The following MAF variants were observed in gnomAD, a reference collection of about 807,000 sequenced individuals.
MAF encodes the protein MAF bZIP transcription factor, also known as transcription factor Maf.
MAF carries 10 observed loss-of-function variants against 22.0 expected under a neutral mutation model. The ratio of observed to expected loss-of-function variants is 0.45; its 90% CI spans 0.28 to 0.77. The LOEUF (loss-of-function observed/expected upper bound fraction) is 0.77, where lower values mean the gene tolerates loss of function less well. Among genes scored for constraint, MAF ranks in the 30% least tolerant of loss-of-function variants. MAF has a pLI of 0.12. For missense variants in MAF, 544 were observed against 548.4 expected, an observed-to-expected ratio of 0.99 and a Z score of 0.08; for synonymous variants, 337 against 255.8, an observed-to-expected ratio of 1.32 and a Z score of -3.03.
At chr16:79,536,723 T>C in the MAF span, among the ~76,000 whole-genome samples, 2 of 152,370 alleles carry the variant, frequency 1.3e-5, no homozygotes, top group Admixed American at 6.5e-5. Context: ...GAACTTTTTT[T>C]CCCTGTCATT....
chr16:79,582,456 T>C (rs1472316891), downstream of MAF, among the ~76,000 whole-genome samples: 1 of 152,208 alleles, frequency 6.6e-6, no homozygotes, highest in Non-Finnish European at 1.5e-5. Flanking sequence ...CCTTCAATAG[T>C]ACCCCAGAGT....
chr16:79,271,046 G>A, the MAF span, among the ~76,000 whole-genome samples: 38 of 151,276 alleles, frequency 2.5e-4, no homozygotes, highest in East Asian at 9.7e-4. Context: ...GATTACAAGC[G>A]CCCGCCACCA....
chr16:79,262,431 T>G, the MAF span, among the ~76,000 whole-genome samples: 2 of 152,200 alleles, frequency 1.3e-5, no homozygotes, highest in African/African-American at 4.8e-5. Context: ...GATGTTTTTG[T>G]GGCTAGATGC....
At chr16:79,402,177 G>C in the MAF span, among the ~76,000 whole-genome samples, 20 of 152,268 alleles carry the variant, frequency 1.3e-4, no homozygotes, top group East Asian at 2.9e-3. Context: ...CCATCAAATG[G>C]GGAGTGTGGC....
the MAF span, among the ~76,000 whole-genome samples, chr16:79,492,116 G>A: frequency 6.6e-6 from 1 of 152,322 alleles, no homozygotes; most frequent in East Asian, 1.9e-4. Flanking sequence ...GTGCCTCCAT[G>A]AGATAGAGCA....
chr16:79,279,063 C>A, the MAF span, among the ~76,000 whole-genome samples: 3 of 152,178 alleles, frequency 2.0e-5, no homozygotes, highest in African/African-American at 7.2e-5. Flanking sequence ...TATATTTTAT[C>A]ATTCAATTCT....
the MAF span, among the ~76,000 whole-genome samples, chr16:79,502,397 G>A: frequency 2.0e-5 from 3 of 152,170 alleles, no homozygotes; most frequent in Non-Finnish European, 4.4e-5. Context: ...TAGGCACAGT[G>A]GGTCATGCGC....
the MAF span, among the ~76,000 whole-genome samples, chr16:79,246,196 T>A: frequency 6.6e-6 from 1 of 151,922 alleles, no homozygotes; most frequent in Admixed American, 6.6e-5. Flanking sequence ...CCCCAGAACT[T>A]AAAGTATAAT....
At chr16:79,261,430 G>A in the MAF span, among the ~76,000 whole-genome samples, 1 of 152,240 alleles carries the variant, frequency 6.6e-6, no homozygotes, top group Non-Finnish European at 1.5e-5. Context: ...TGGGATTACG[G>A]GCATGAGCCA....
At chr16:79,239,688 A>G in the MAF span, among the ~76,000 whole-genome samples, 1 of 151,970 alleles carries the variant, frequency 6.6e-6, no homozygotes, top group South Asian at 2.1e-4. Flanking sequence ...GTCCCTCTCA[A>G]TACCTGGAAA....
the MAF span, among the ~76,000 whole-genome samples, chr16:79,411,983 T>C: frequency 6.6e-6 from 1 of 152,174 alleles, no homozygotes; most frequent in Admixed American, 6.5e-5. Flanking sequence ...GTTGCTGTTG[T>C]TACCAGTACC....
chr16:79,230,454 C>T, the MAF span, among the ~76,000 whole-genome samples: 1 of 152,114 alleles, frequency 6.6e-6, no homozygotes, highest in Non-Finnish European at 1.5e-5. Context: ...CTGCCCTTGC[C>T]CGGGTGGGCG....
At chr16:79,547,352 C>T in the MAF span, among the ~76,000 whole-genome samples, 1 of 151,854 alleles carries the variant, frequency 6.6e-6, no homozygotes, top group Admixed American at 6.6e-5. Flanking sequence ...CCCACAGACA[C>T]CTCCATGTAT....
At chr16:79,400,239 C>T in the MAF span, among the ~76,000 whole-genome samples, 66 of 152,310 alleles carry the variant, frequency 4.3e-4, no homozygotes, top group African/African-American at 1.5e-3. Flanking sequence ...AGTTGAGAGG[C>T]CCTGGGCTAG....
the MAF span, among the ~76,000 whole-genome samples, chr16:79,446,244 G>C: frequency 0.025 from 3,847 of 152,278 alleles, 54 homozygotes; most frequent in Middle Eastern, 0.041. Flanking sequence ...TAGAGCACTA[G>C]ATTAGGAACC....
chr16:79,375,959 G>A, the MAF span, among the ~76,000 whole-genome samples: 4 of 152,042 alleles, frequency 2.6e-5, no homozygotes, highest in East Asian at 1.9e-4. Context: ...GGAGAAATGC[G>A]GGTTAACAAT....
chr16:79,555,215 C>A, the MAF span, among the ~76,000 whole-genome samples: 2 of 152,212 alleles, frequency 1.3e-5, no homozygotes, highest in Non-Finnish European at 2.9e-5. Context: ...TCTCTCTGTG[C>A]CCTAACTCAT....
At chr16:79,511,807 C>T in the MAF span, among the ~76,000 whole-genome samples, 1 of 152,322 alleles carries the variant, frequency 6.6e-6, no homozygotes, top group East Asian at 1.9e-4. Context: ...ACACATCTCA[C>T]ACTAGAACCA....
chr16:79,529,010 G>A, the MAF span, among the ~76,000 whole-genome samples: 3 of 152,208 alleles, frequency 2.0e-5, no homozygotes, highest in Non-Finnish European at 4.4e-5. Context: ...AGCAAAAGGA[G>A]CTCGAGCTGT....
Sources: gnomAD v4.1 joint callset for allele counts (sites outside exome capture counted in the v4.1 genomes callset) on GRCh38, gnomAD v4.1.1 for gene constraint, MANE v1.5 for transcripts, NCBI Gene and HGNC (gene_info 2026-07-23, HGNC 2026-07-21) for gene names.